RHBDD1: variants seen among roughly 807,000 people sequenced by gnomAD.
The protein encoded by RHBDD1 is rhomboid domain containing 1, also known as rhomboid-related protein 4.
In RHBDD1, 38 loss-of-function variants were observed where a neutral mutation model predicts 36.3. The observed-to-expected ratio is 1.05, with a 90% CI of 0.81 to 1.37. The LOEUF is 1.37. RHBDD1 is among the 40% of genes most tolerant of loss of function. The probability of loss-of-function intolerance (pLI) is 0.00; values close to 1 mark genes in which losing one functional copy is unlikely to be tolerated. For missense variants in RHBDD1, 393 were observed against 377.6 expected, an observed-to-expected ratio of 1.04 and a Z score of -0.34; for synonymous variants, 151 against 136.5, an observed-to-expected ratio of 1.11 and a Z score of -0.74.
intron 8 of RHBDD1, among the ~76,000 whole-genome samples, chr2:226,929,442 G>T (rs971039433): frequency 6.6e-6 from 1 of 151,882 alleles, no homozygotes; most frequent in Non-Finnish European, 1.5e-5. Context: ...ATTTGCTAAA[G>T]TCCAGCATCC....
the RHBDD1 span, among the ~76,000 whole-genome samples, chr2:226,816,375 CAAAAAAAAAAAA>C: frequency 3.1e-5 from 2 of 64,940 alleles, no homozygotes; most frequent in African/African-American, 9.4e-5. Context: ...GGAATGGTGG[CAAAAAAAAAAAA>C]AAAAAAAAAG....
At chr2:226,840,284 A>G (rs1415473102) in intron 3 of RHBDD1, among the ~76,000 whole-genome samples, 1 of 152,228 alleles carries the variant, frequency 6.6e-6, no homozygotes, top group African/African-American at 2.4e-5. Context: ...GGGAAGCAAC[A>G]GATAATGGGC....
chr2:226,892,194 C>T (rs957540220), intron 5 of RHBDD1, among the ~76,000 whole-genome samples: 6 of 152,208 alleles, frequency 3.9e-5, no homozygotes, highest in African/African-American at 1.4e-4. Flanking sequence ...TTAACATTAA[C>T]TGTGCCTTAC....
At chr2:226,964,077 A>G (rs146244177) in intron 8 of RHBDD1, among the ~76,000 whole-genome samples, 113 of 152,226 alleles carry the variant, frequency 7.4e-4, no homozygotes, top group African/African-American at 2.6e-3. Flanking sequence ...ATCAACACTG[A>G]AAGATATTCT....
intron 3 of RHBDD1, among the ~76,000 whole-genome samples, chr2:226,840,919 A>T (rs1941545723): frequency 6.6e-6 from 1 of 152,050 alleles, no homozygotes; most frequent in Non-Finnish European, 1.5e-5. Context: ...CTCTTGGGCA[A>T]TACTGTGAAA....
At chr2:226,951,590 G>A (rs1358529158) in intron 8 of RHBDD1, among the ~76,000 whole-genome samples, 1 of 152,118 alleles carries the variant, frequency 6.6e-6, no homozygotes, top group South Asian at 2.1e-4. Flanking sequence ...TATTTTCAGG[G>A]TCTTCAGTAG....
At chr2:226,896,192 A>G (rs999660296) in intron 5 of RHBDD1, among the ~76,000 whole-genome samples, 1 of 152,160 alleles carries the variant, frequency 6.6e-6, no homozygotes, top group Non-Finnish European at 1.5e-5. Flanking sequence ...TTCTGATTAG[A>G]TGTCTCTATT....
chr2:226,844,047 T>C (rs1941952229), intron 3 of RHBDD1, among the ~76,000 whole-genome samples: 1 of 152,222 alleles, frequency 6.6e-6, no homozygotes, highest in African/African-American at 2.4e-5. Context: ...TTCTAGATTT[T>C]CTGGTTTATG....
At chr2:226,965,321 A>G (rs1283122498) in intron 8 of RHBDD1, among the ~76,000 whole-genome samples, 4 of 152,238 alleles carry the variant, frequency 2.6e-5, no homozygotes, top group Non-Finnish European at 5.9e-5. Flanking sequence ...AACCCTGCCA[A>G]CAACCTTGAT....
chr2:226,992,527 C>A (rs1958474931), intron 8 of RHBDD1, among the ~76,000 whole-genome samples: 1 of 152,132 alleles, frequency 6.6e-6, no homozygotes. Flanking sequence ...TTGTTATACC[C>A]AAGGTCTTCT....
intron 8 of RHBDD1, among the ~76,000 whole-genome samples, chr2:226,956,362 C>T (rs1398227503): frequency 1.3e-5 from 2 of 152,162 alleles, no homozygotes; most frequent in Non-Finnish European, 2.9e-5. Context: ...CACGTCCCCC[C>T]GGCCCTTGTG....
chr2:226,924,530 T>C (rs574697855), intron 8 of RHBDD1, among the ~76,000 whole-genome samples: 20 of 152,344 alleles, frequency 1.3e-4, no homozygotes, highest in Admixed American at 4.6e-4. Flanking sequence ...GATGTCTCAC[T>C]GGAAGGCATG....
chr2:226,805,842 A>G, the RHBDD1 span, among the ~76,000 whole-genome samples: 2 of 152,294 alleles, frequency 1.3e-5, no homozygotes, highest in African/African-American at 2.4e-5. Context: ...GGTCATATTA[A>G]CAAAGAATTG....
the RHBDD1 span, among the ~76,000 whole-genome samples, chr2:226,818,388 C>G: frequency 0.24 from 36,280 of 150,146 alleles, 8,260 homozygotes; most frequent in African/African-American, 0.6. Context: ...GGATGGTCTT[C>G]ATCTCCTGAC....
intron 8 of RHBDD1, among the ~76,000 whole-genome samples, chr2:226,952,178 G>T (rs1002887144): frequency 3.3e-5 from 5 of 152,080 alleles, no homozygotes; most frequent in Non-Finnish European, 7.4e-5. Flanking sequence ...CTCCTCTTAG[G>T]AGAAGAGTTC....
intron 3 of RHBDD1, among the ~76,000 whole-genome samples, chr2:226,849,045 T>C (rs537942446): frequency 6.6e-6 from 1 of 152,330 alleles, no homozygotes; most frequent in Non-Finnish European, 1.5e-5. Flanking sequence ...CTGTGATTTA[T>C]TGAGTGATTA....
At chr2:226,811,126 C>A in the RHBDD1 span, 4 of 152,280 alleles carry the variant, frequency 2.6e-5, no homozygotes, top group East Asian at 5.8e-4. Flanking sequence ...AAAGCCATTT[C>A]TTTTCTCCCC....
At chr2:226,991,189 A>G (rs1222672982) in intron 8 of RHBDD1, among the ~76,000 whole-genome samples, 2 of 152,124 alleles carry the variant, frequency 1.3e-5, no homozygotes, top group Non-Finnish European at 2.9e-5. Context: ...CATTTTATAT[A>G]TCTCTTTTTT....
upstream of RHBDD1, among the ~76,000 whole-genome samples, chr2:226,834,988 C>T (rs1940848008): frequency 6.6e-6 from 1 of 152,182 alleles, no homozygotes; most frequent in African/African-American, 2.4e-5. Flanking sequence ...GTTGGCCAGG[C>T]TGGTTTTGAA....
Sources: allele counts gnomAD v4.1 joint callset (sites outside exome capture counted in the v4.1 genomes callset), GRCh38; gene constraint gnomAD v4.1.1; transcripts MANE v1.5; gene names NCBI Gene and HGNC (gene_info 2026-07-23, HGNC 2026-07-21).